TEAD1: variants seen among roughly 807,000 people sequenced by gnomAD.
TEAD1 encodes TEA domain transcription factor 1.
Under a neutral mutation model 54.9 loss-of-function variants are expected in TEAD1, and 9 were observed. The ratio of observed to expected loss-of-function variants is 0.16; its 90% confidence interval spans 0.10 to 0.29. The LOEUF (loss-of-function observed/expected upper bound fraction) is 0.29. Among genes scored for constraint, TEAD1 ranks in the 10% least tolerant of loss-of-function variants. TEAD1 has a pLI of 1.00. For synonymous variants in TEAD1, 200 were observed against 187.8 expected (o/e 1.07, Z -0.53); for missense variants, 387 against 535.9 (o/e 0.72, Z 2.74).
At chr11:12,782,111 C>A (rs547922765) in intron 3 of TEAD1, among the ~76,000 whole-genome samples, 2 of 152,160 alleles carry the variant, frequency 1.3e-5, no homozygotes, top group Non-Finnish European at 2.9e-5. Flanking sequence ...GATCTCCCCA[C>A]GGCACTCCAG....
At chr11:12,856,386 G>C (rs1947380224) in intron 3 of TEAD1, among the ~76,000 whole-genome samples, 1 of 152,126 alleles carries the variant, frequency 6.6e-6, no homozygotes, top group African/African-American at 2.4e-5. Context: ...AAGAAGCCCA[G>C]GTCAAAGGCT....
intron 2 of TEAD1, among the ~76,000 whole-genome samples, chr11:12,731,789 A>G (rs905496417): frequency 1.1e-4 from 16 of 152,198 alleles, no homozygotes; most frequent in African/African-American, 3.9e-4. Flanking sequence ...AAATAGCTCC[A>G]TGGCCCTCTT....
Position 12,864,925 on chromosome 11 carries a change from T to C in TEAD1, c.330+25T>C, listed in dbSNP as rs778341637. 2.5e-6 allele frequency: 4 copies of C among 1,613,720 alleles called. No individual in the cohort carries two copies. The Admixed American group carries it at 6.7e-5, about 27-fold the overall frequency. Reference sequence around the variant, plus strand: ...GGTATGCGCTTTTCTGCTTTTTGGCTTGTGGTTGCTATGCATCTCACTTCC... The same window carrying C: ...GGTATGCGCTTTTCTGCTTTTTGGCCTGTGGTTGCTATGCATCTCACTTCC... On this transcript the variant is annotated intron_variant, in intron 5 of 12. Transcript: ENST00000527636.
intron 2 of TEAD1, among the ~76,000 whole-genome samples, chr11:12,718,819 A>G (rs1944119635): frequency 6.6e-6 from 1 of 152,086 alleles, no homozygotes; most frequent in African/African-American, 2.4e-5. Flanking sequence ...TTAAAAGGAA[A>G]AATTTCATCA....
chr11:12,742,401 G>A (rs538716626), intron 2 of TEAD1, among the ~76,000 whole-genome samples: 1 of 152,270 alleles, frequency 6.6e-6, no homozygotes, highest in South Asian at 2.1e-4. Flanking sequence ...CTCATAAAAA[G>A]TAGAGTAGAA....
In TEAD1 at chr11:12,794,250, A is replaced by G. The variant is rs567103917; in HGVS notation, c.202+29816A>G. On this transcript the variant is annotated intron_variant, in intron 3 of 12. Coordinates refer to ENST00000527636, the MANE Select transcript of TEAD1 (RefSeq NM_021961.6). ...CTAAGCACCCAGTACATGTTCATTA[A>G]TTATTTTTTCTCTTCTCACCAGGTC... 1.8e-3 allele frequency among the ~76,000 whole-genome samples: 274 copies of G among 152,268 alleles called. 3 individuals carry two copies. The highest frequency in any genetic ancestry group is 0.016 in the South Asian group (75 of 4,820).
chr11:12,925,153 T>G (rs1446860234), intron 11 of TEAD1, 101 bp downstream of exon 11: 2 of 1,343,546 alleles, frequency 1.5e-6, no homozygotes, highest in Non-Finnish European at 2.1e-6. Flanking sequence ...GGATGTCTGC[T>G]TCTTACCTTC....
At chr11:12,934,451 T>A (rs1405180584) in intron 12 of TEAD1, among the ~76,000 whole-genome samples, 3 of 151,812 alleles carry the variant, frequency 2.0e-5, no homozygotes, top group East Asian at 3.9e-4. Context: ...AAATGATGAG[T>A]TAATGGGTGC....
At chr11:12,864,591 A>T in intron 4 of TEAD1, 9 of 895,584 alleles carry the variant, frequency 1.0e-5, no homozygotes, top group Non-Finnish European at 1.4e-5. Context: ...CCTCCCAAAG[A>T]GTAGCGATTT....
chr11:12,928,679 T>TA (rs1200808765), intron 11 of TEAD1, among the ~76,000 whole-genome samples: 3 of 152,350 alleles, frequency 2.0e-5, no homozygotes, highest in Non-Finnish European at 4.4e-5. Flanking sequence ...ACATAAAACT[T>TA]ACTCCTGTGA....
intron 10 of TEAD1, among the ~76,000 whole-genome samples, chr11:12,904,486 T>C (rs1948482897): frequency 2.0e-5 from 3 of 152,306 alleles, no homozygotes; most frequent in African/African-American, 7.2e-5. Context: ...GAAAAATTCA[T>C]TGATATGGTT....
At chr11:12,734,090 A>T (rs1944477318) in intron 2 of TEAD1, among the ~76,000 whole-genome samples, 1 of 152,066 alleles carries the variant, frequency 6.6e-6, no homozygotes, top group South Asian at 2.1e-4. Context: ...TAATTTTTAA[A>T]TTTTTTGTGG....
intron 3 of TEAD1, among the ~76,000 whole-genome samples, chr11:12,801,942 A>G (rs1437017324): frequency 6.6e-6 from 1 of 152,224 alleles, no homozygotes; most frequent in Non-Finnish European, 1.5e-5. Flanking sequence ...GGCTTAATGT[A>G]GATATGTTTA....
In TEAD1 at chr11:12,772,142, G is replaced by T. The variant is rs1230082464; in HGVS notation, c.202+7708G>T. Reference sequence around the variant, plus strand: ...GAAGCAGTCTTTATGAGGTTTTGGTGCAGGAAATGAATGACGCTAGTTTCA... The same window carrying T: ...GAAGCAGTCTTTATGAGGTTTTGGTTCAGGAAATGAATGACGCTAGTTTCA... On this transcript the variant is annotated intron_variant, in intron 3 of 12. Coordinates refer to ENST00000527636, the MANE Select transcript of TEAD1 (RefSeq NM_021961.6). Among the ~76,000 whole-genome samples, 4 of 152,190 alleles carry T rather than the reference G, an allele frequency of 2.6e-5. No individual in the cohort carries two copies. The South Asian group carries it at 8.3e-4, about 32-fold the overall frequency.
chr11:12,833,338 C>T lies in TEAD1; in HGVS notation c.203-28912C>T, dbSNP rs1031056215. On this transcript the variant is annotated intron_variant, in intron 3 of 12. Coordinates refer to ENST00000527636, the MANE Select transcript of TEAD1 (RefSeq NM_021961.6). ...ATTATGAACATTGCATTGCAGCCTGCAGAGATGTGCTGAAATGCAGGTCTG... is the reference window on the plus strand; with the variant it reads ...ATTATGAACATTGCATTGCAGCCTGTAGAGATGTGCTGAAATGCAGGTCTG... Among the ~76,000 whole-genome samples the T allele has an allele frequency of 1.8e-4, 27 of 152,174 alleles. 1 individual carries two copies. The highest frequency in any genetic ancestry group is 1.8e-3 in the Admixed American group (27 of 15,284).
intron 9 of TEAD1, among the ~76,000 whole-genome samples, chr11:12,890,311 G>A (rs1839224645): frequency 6.6e-6 from 1 of 152,182 alleles, no homozygotes; most frequent in African/African-American, 2.4e-5. Flanking sequence ...AGACCTCTGA[G>A]GGCCTTCCAC....
In TEAD1 at chr11:12,674,647, C is replaced by G. The variant is rs1332088563; in HGVS notation, c.-395C>G. The G allele has an allele frequency of 6.6e-6, 1 of 151,344 alleles. No individual in the cohort carries two copies. Among genetic ancestry groups the G allele is most frequent in the African/African-American group, 2.4e-5 (1 of 41,298 alleles). The allele number at this position is 151,344 out of a possible 1,614,324, so 9.4% of individuals were successfully genotyped here. The stretch of plus-strand genomic sequence containing the variant: ...GCCCCCCCACCCCTCCACCTTTGCC[C>G]GGAGCGCGGGCAGCAGCCCAGCGCG... On this transcript the variant is annotated 5_prime_UTR_variant, in exon 1 of 13. Coordinates refer to ENST00000527636, the MANE Select transcript of TEAD1 (RefSeq NM_021961.6).
intron 10 of TEAD1, among the ~76,000 whole-genome samples, chr11:12,917,859 G>T (rs1405648875): frequency 2.0e-5 from 3 of 152,180 alleles, no homozygotes; most frequent in African/African-American, 7.2e-5. Context: ...TTTTAACACT[G>T]CAGAACCTGG....
intron 9 of TEAD1, among the ~76,000 whole-genome samples, chr11:12,894,946 C>T (rs1948280542): frequency 6.6e-6 from 1 of 152,152 alleles, no homozygotes; most frequent in Admixed American, 6.5e-5. Flanking sequence ...CATTATAGTT[C>T]TACTAAGTAT....
Sources: allele counts gnomAD v4.1 joint callset (sites outside exome capture counted in the v4.1 genomes callset), GRCh38; gene constraint gnomAD v4.1.1; transcripts MANE v1.5; gene names NCBI Gene and HGNC (gene_info 2026-07-23, HGNC 2026-07-21).